The following CYP7B1 variants were observed in gnomAD, a reference collection of about 807,000 sequenced individuals.
CYP7B1 encodes the protein cytochrome P450 7B1.
In CYP7B1, 29 loss-of-function variants were observed where a neutral mutation model predicts 42.7. The ratio of observed to expected loss-of-function variants is 0.68; its 90% CI spans 0.51 to 0.93. CYP7B1 has a LOEUF of 0.93. CYP7B1 is among the 40% of genes least tolerant of loss of function. The pLI is 0.00. For synonymous variants in CYP7B1, 235 were observed against 218.2 expected (o/e 1.08, Z -0.68); for missense variants, 655 against 600.5 (o/e 1.09, Z -0.95).
At chr8:64,610,993 T>C (rs1585804656) in intron 4 of CYP7B1, among the ~76,000 whole-genome samples, 1 of 152,146 alleles carries the variant, frequency 6.6e-6, no homozygotes, top group African/African-American at 2.4e-5. Flanking sequence ...GGCAGGCACA[T>C]ATTCAAATAA....
intron 4 of CYP7B1, among the ~76,000 whole-genome samples, chr8:64,606,122 T>TGTG (rs1285979888): frequency 6.6e-6 from 1 of 152,180 alleles, no homozygotes; most frequent in Non-Finnish European, 1.5e-5. Context: ...GTGTGGCCAG[T>TGTG]GTGGTGATTC....
chr8:64,694,865 G>A (rs536264730), intron 1 of CYP7B1, among the ~76,000 whole-genome samples: 31 of 152,204 alleles, frequency 2.0e-4, no homozygotes, highest in Admixed American at 4.6e-4. Flanking sequence ...CAAAATGTAG[G>A]AACAAAAGTT....
In CYP7B1 at chr8:64,693,206, TA is replaced by T. The variant is rs544533788; in HGVS notation, c.123-68668del. Among the ~76,000 whole-genome samples the T allele has an allele frequency of 2.2e-3, 332 of 152,356 alleles. 2 individuals carry two copies. Among genetic ancestry groups the T allele is most frequent in the African/African-American group, 7.8e-3 (324 of 41,584 alleles). ...GAAATTGTGCAGGTCTGGCCATGGC[TA>T]TTGGGAGACAACTGAGTGTCAAGCA... On this transcript the variant is annotated intron_variant, in intron 1 of 5. Transcript: ENST00000310193.
At chr8:64,705,366 C>G (rs192272143) in intron 1 of CYP7B1, among the ~76,000 whole-genome samples, 1 of 151,924 alleles carries the variant, frequency 6.6e-6, no homozygotes, top group East Asian at 1.9e-4. Flanking sequence ...AGTCATTATT[C>G]TCATTGTCTA....
chr8:64,792,860 T>A (rs570299558), intron 1 of CYP7B1, among the ~76,000 whole-genome samples: 57 of 152,246 alleles, frequency 3.7e-4, no homozygotes, highest in African/African-American at 1.3e-3. Context: ...ATGGAGTGAA[T>A]GCATTTTTTT....
At chr8:64,610,662 A>T (rs547915854) in intron 4 of CYP7B1, among the ~76,000 whole-genome samples, 1 of 152,188 alleles carries the variant, frequency 6.6e-6, no homozygotes, top group South Asian at 2.1e-4. Flanking sequence ...ATTTTTATTA[A>T]AAAAATACCC....
At chr8:64,598,577 T>C (rs1464080162) in intron 5 of CYP7B1, among the ~76,000 whole-genome samples, 1 of 152,226 alleles carries the variant, frequency 6.6e-6, no homozygotes, top group Non-Finnish European at 1.5e-5. Context: ...GCTTGGATTA[T>C]GACTTTTTAG....
At chr8:64,745,963 T>C (rs1367317016) in intron 1 of CYP7B1, among the ~76,000 whole-genome samples, 1 of 152,160 alleles carries the variant, frequency 6.6e-6, no homozygotes, top group African/African-American at 2.4e-5. Context: ...GTTTCAGCAT[T>C]CATGGCCAGT....
At chr8:64,738,535 AACAC>A (rs990019545) in intron 1 of CYP7B1, among the ~76,000 whole-genome samples, 2 of 151,688 alleles carry the variant, frequency 1.3e-5, no homozygotes, top group Non-Finnish European at 2.9e-5. Flanking sequence ...AATACAAGAA[AACAC>A]ACACACACGC....
intron 1 of CYP7B1, among the ~76,000 whole-genome samples, chr8:64,676,215 A>G (rs1806443785): frequency 1.3e-5 from 2 of 152,008 alleles, no homozygotes; most frequent in African/African-American, 4.8e-5. Flanking sequence ...TGGGGTACCT[A>G]CTCCAGAGTG....
chr8:64,615,532 A>AT lies in CYP7B1; in HGVS notation c.850+158_850+159insA, dbSNP rs369687927. 9.4e-3 allele frequency among the ~76,000 whole-genome samples: 1,427 copies of AT among 151,886 alleles called. 35 individuals carry two copies. The highest frequency in any genetic ancestry group is 0.033 in the African/African-American group (1,366 of 41,336). Reference sequence around the variant, plus strand: ...TTACCACCTCAGCAAAAAAAAAAAAAATATCAATTATAGAGGGTTATATCA... The same window carrying AT: ...TTACCACCTCAGCAAAAAAAAAAAAATATATCAATTATAGAGGGTTATATCA... On this transcript the variant is annotated intron_variant, in intron 3 of 5. Transcript: ENST00000310193.
chr8:64,634,237 A>G (rs1344137523), intron 1 of CYP7B1, among the ~76,000 whole-genome samples: 1 of 152,180 alleles, frequency 6.6e-6, no homozygotes, highest in African/African-American at 2.4e-5. Context: ...TACAGAAGTG[A>G]TATGTCCTTT....
rs1326352561 is a variant in CYP7B1, at chr8:64,591,974, G to C, written c.*4668C>G. 6.6e-6 allele frequency among the ~76,000 whole-genome samples: 1 copy of C among 152,108 alleles called. No homozygotes were observed. The highest frequency in any genetic ancestry group is 2.4e-5 in the African/African-American group (1 of 41,400). ...AGTCCGAGGCGGGTGGATCACCTGA[G>C]GTCTGGAGTTCGAGACCAGCCTGAT... On this transcript the variant is annotated 3_prime_UTR_variant, in exon 6 of 6. Coordinates refer to ENST00000310193, the MANE Select transcript of CYP7B1 (RefSeq NM_004820.5).
At chr8:64,737,410 T>C (rs780292605) in intron 1 of CYP7B1, among the ~76,000 whole-genome samples, 5 of 152,224 alleles carry the variant, frequency 3.3e-5, no homozygotes, top group Non-Finnish European at 7.3e-5. Flanking sequence ...ATGTAAAATC[T>C]CAAATAGCAA....
chr8:64,753,758 A>G (rs1482809386), intron 1 of CYP7B1, among the ~76,000 whole-genome samples: 1 of 152,240 alleles, frequency 6.6e-6, no homozygotes, highest in East Asian at 1.9e-4. Context: ...GGACTGCTTT[A>G]GAAAGGATGG....
At chr8:64,754,527 T>C (rs1174055026) in intron 1 of CYP7B1, among the ~76,000 whole-genome samples, 2 of 152,088 alleles carry the variant, frequency 1.3e-5, no homozygotes, top group African/African-American at 2.4e-5. Context: ...AGTCAGAGAC[T>C]GGAAGGACTA....
intron 4 of CYP7B1, among the ~76,000 whole-genome samples, chr8:64,607,324 T>C (rs766701652): frequency 3.9e-5 from 6 of 152,050 alleles, no homozygotes; most frequent in Admixed American, 6.6e-5. Context: ...ATTGTTATTC[T>C]TAGAATCTTC....
chr8:64,789,511 G>C (rs903148925), intron 1 of CYP7B1, among the ~76,000 whole-genome samples: 1 of 152,196 alleles, frequency 6.6e-6, no homozygotes, highest in Non-Finnish European at 1.5e-5. Context: ...CTACAAGCAA[G>C]CCTTTGCACT....
At chr8:64,609,627 C>A (rs1196307111) in intron 4 of CYP7B1, among the ~76,000 whole-genome samples, 1 of 152,108 alleles carries the variant, frequency 6.6e-6, no homozygotes, top group East Asian at 1.9e-4. Context: ...TAGGTGTGTA[C>A]TATTTTAGTT....
Sources: gnomAD v4.1 joint callset for allele counts (sites outside exome capture counted in the v4.1 genomes callset) on GRCh38, gnomAD v4.1.1 for gene constraint, MANE v1.5 for transcripts, NCBI Gene and HGNC (gene_info 2026-07-23, HGNC 2026-07-21) for gene names.